Variants in ANKFN1 observed in about 807,000 individuals in gnomAD.
The protein encoded by ANKFN1 is ankyrin repeat and fibronectin type III domain containing 1.
In ANKFN1, 74 loss-of-function variants were observed where a neutral mutation model predicts 108.7. The ratio of observed to expected loss-of-function variants is 0.68; its 90% CI spans 0.56 to 0.83. The LOEUF is 0.83. Ranked by LOEUF, ANKFN1 falls within the 40% of genes least tolerant of loss-of-function variation. The probability of loss-of-function intolerance (pLI) is 0.00; values close to 1 mark genes in which losing one functional copy is unlikely to be tolerated. For synonymous variants in ANKFN1, 547 were observed against 516.2 expected (o/e 1.06, Z -0.81); for missense variants, 1,505 against 1,382.3 (o/e 1.09, Z -1.41).
intron 6 of ANKFN1, among the ~76,000 whole-genome samples, chr17:56,364,328 T>G (rs1392324893): frequency 6.6e-6 from 1 of 152,174 alleles, no homozygotes; most frequent in East Asian, 1.9e-4. Flanking sequence ...TAACATAAAA[T>G]ATAAAATTAA....
intron 8 of ANKFN1, among the ~76,000 whole-genome samples, chr17:56,422,140 A>T (rs1311712330): frequency 4.6e-5 from 7 of 152,212 alleles, no homozygotes; most frequent in Admixed American, 6.5e-5. Flanking sequence ...TCCTAATACT[A>T]GTCAGATAAT....
chr17:56,193,754 C>A (rs1354470993), intron 1 of ANKFN1, among the ~76,000 whole-genome samples: 1 of 152,100 alleles, frequency 6.6e-6, no homozygotes, highest in Non-Finnish European at 1.5e-5. Flanking sequence ...AGGCACAATT[C>A]ATGAAAGAAA....
intron 4 of ANKFN1, among the ~76,000 whole-genome samples, chr17:56,080,628 C>T (rs1905234465): frequency 2.6e-5 from 4 of 152,148 alleles, no homozygotes; most frequent in African/African-American, 4.8e-5. Flanking sequence ...GCTATTGTTT[C>T]TACACCATCC....
intron 19 of ANKFN1, among the ~76,000 whole-genome samples, chr17:56,492,610 T>C (rs1275593579): frequency 6.6e-6 from 1 of 152,140 alleles, no homozygotes; most frequent in East Asian, 1.9e-4. Context: ...TAGCTTTCCA[T>C]ACGGGAGAGA....
intron 8 of ANKFN1, among the ~76,000 whole-genome samples, chr17:56,384,453 C>T (rs1203748889): frequency 6.6e-6 from 1 of 152,246 alleles, no homozygotes; most frequent in East Asian, 1.9e-4. Flanking sequence ...TCCTATTCAA[C>T]ATAGTGTTGG....
chr17:56,144,154 C>T (rs71376563), intron 4 of ANKFN1, among the ~76,000 whole-genome samples: 1 of 69,280 alleles, frequency 1.4e-5, no homozygotes, highest in African/African-American at 9.2e-5. Flanking sequence ...AGAGGCGCAT[C>T]TGAAAAAAAA....
At chr17:56,318,226 T>G (rs2045263619) in intron 3 of ANKFN1, among the ~76,000 whole-genome samples, 1 of 152,086 alleles carries the variant, frequency 6.6e-6, no homozygotes, top group African/African-American at 2.4e-5. Flanking sequence ...TAAAAATAGA[T>G]AATTAATGGT....
In ANKFN1 at chr17:56,227,754, C is replaced by T. The variant is rs1192923081; in HGVS notation, c.13-163C>T. ...TTTTTTCTTTCTGGGCTACAGCCTC[C>T]TGTATCCCCAAGAAAAGTCTCCCAA... On this transcript the variant is annotated intron_variant, in intron 2 of 20. Coordinates refer to ENST00000682825, the MANE Select transcript of ANKFN1 (RefSeq NM_001370326.1). Among the ~76,000 whole-genome samples the T allele has an allele frequency of 3.9e-5, 6 of 152,004 alleles. No homozygotes were observed. In the South Asian group the frequency reaches 8.3e-4, roughly 21 times the overall value.
intron 14 of ANKFN1, among the ~76,000 whole-genome samples, chr17:56,459,884 T>C (rs1217935411): frequency 1.3e-5 from 2 of 152,196 alleles, no homozygotes; most frequent in Admixed American, 6.5e-5. Flanking sequence ...CCACTTTTCA[T>C]AATGCATCAG....
chr17:56,249,270 C>T (rs1218155285), intron 3 of ANKFN1, among the ~76,000 whole-genome samples: 10 of 151,926 alleles, frequency 6.6e-5, no homozygotes, highest in African/African-American at 2.2e-4. Context: ...TTCATCTCTA[C>T]TAAAAGCACA....
At chr17:56,169,552 A>G (rs953459812) in intron 1 of ANKFN1, among the ~76,000 whole-genome samples, 1 of 152,190 alleles carries the variant, frequency 6.6e-6, no homozygotes, top group African/African-American at 2.4e-5. Context: ...TATAGGCATG[A>G]GCAACGAAGC....
chr17:56,237,431 A>G (rs934113521), intron 3 of ANKFN1, among the ~76,000 whole-genome samples: 2 of 152,164 alleles, frequency 1.3e-5, no homozygotes, highest in African/African-American at 4.8e-5. Context: ...TTTAATCGGT[A>G]GGCTATTTAT....
chr17:56,503,911 C>T (rs946098951), intron 20 of ANKFN1, among the ~76,000 whole-genome samples: 13 of 152,168 alleles, frequency 8.5e-5, no homozygotes, highest in Admixed American at 2.6e-4. Flanking sequence ...GGAGCATAAG[C>T]AAGTTTATTA....
In ANKFN1 at chr17:56,208,031, G is replaced by A. The variant is rs1914673440; in HGVS notation, c.-70-4567G>A. ...TTTCTATTTTTTCTTATTTGAGACAGAGTCTCACTTGCTCTGCACCCAGAC... is the reference window on the plus strand; with the variant it reads ...TTTCTATTTTTTCTTATTTGAGACAAAGTCTCACTTGCTCTGCACCCAGAC... On this transcript the variant is annotated intron_variant, in intron 1 of 20. Transcript: ENST00000682825. 2.0e-5 allele frequency among the ~76,000 whole-genome samples: 3 copies of A among 152,186 alleles called. No individual in the cohort carries two copies. The South Asian group carries it at 6.2e-4, about 32-fold the overall frequency.
intron 1 of ANKFN1, among the ~76,000 whole-genome samples, chr17:56,160,280 T>C (rs1366108628): frequency 6.6e-6 from 1 of 152,184 alleles, no homozygotes; most frequent in African/African-American, 2.4e-5. Context: ...CCCCTAGGAA[T>C]TGGTGTAGTG....
At chr17:56,473,440 A>T (rs1333047076) in intron 15 of ANKFN1, 1 of 152,116 alleles carries the variant, frequency 6.6e-6, no homozygotes, top group Non-Finnish European at 1.5e-5. Context: ...AGGCAGGTAG[A>T]TCACCTGAGC....
intron 8 of ANKFN1, among the ~76,000 whole-genome samples, chr17:56,427,466 T>C (rs1256341636): frequency 1.3e-5 from 2 of 152,154 alleles, no homozygotes; most frequent in Admixed American, 6.5e-5. Context: ...TTGCCACATG[T>C]AGCTGATATG....
chr17:56,369,743 TA>T (rs2046760123), intron 6 of ANKFN1, among the ~76,000 whole-genome samples: 2 of 152,088 alleles, frequency 1.3e-5, no homozygotes, highest in South Asian at 4.2e-4. Context: ...ATTAAGCTAT[TA>T]AAAAAATCCA....
intron 8 of ANKFN1, among the ~76,000 whole-genome samples, chr17:56,400,521 C>T (rs1421910218): frequency 6.6e-6 from 1 of 152,114 alleles, no homozygotes; most frequent in Non-Finnish European, 1.5e-5. Flanking sequence ...GATTTTCTCT[C>T]ACTCTGTGGG....
Sources: allele counts gnomAD v4.1 joint callset (sites outside exome capture counted in the v4.1 genomes callset), GRCh38; gene constraint gnomAD v4.1.1; transcripts MANE v1.5; gene names NCBI Gene and HGNC (gene_info 2026-07-23, HGNC 2026-07-21).